The following SLC14A2 variants were observed in gnomAD, a reference collection of about 807,000 sequenced individuals.
SLC14A2 encodes urea transporter 2.
Under a neutral mutation model 104.6 loss-of-function variants are expected in SLC14A2, and 91 were observed. That is an observed-to-expected ratio of 0.87 (90% CI 0.73 to 1.04). The LOEUF is 1.04. Among genes scored for constraint, SLC14A2 ranks in the 50% least tolerant of loss-of-function variants. SLC14A2 has a pLI of 0.00. For missense variants in SLC14A2, 1,189 were observed against 1,156.0 expected, an observed-to-expected ratio of 1.03 and a Z score of -0.41; for synonymous variants, 476 against 466.4, an observed-to-expected ratio of 1.02 and a Z score of -0.27.
chr18:45,380,560 A>C (rs528512270), intron 1 of SLC14A2, among the ~76,000 whole-genome samples: 1 of 151,362 alleles, frequency 6.6e-6, no homozygotes, highest in Non-Finnish European at 1.5e-5. Flanking sequence ...ATCTGCAACT[A>C]GTAAAAAAAG....
intron 1 of SLC14A2, among the ~76,000 whole-genome samples, chr18:45,240,807 G>A (rs116660642): frequency 2.8e-3 from 423 of 151,804 alleles, no homozygotes; most frequent in African/African-American, 7.7e-3. Context: ...ACAGGTGCCC[G>A]CCACTATGCC....
Position 45,248,608 on chromosome 18 carries a change from C to T in SLC14A2, c.-125+35417C>T, listed in dbSNP as rs1321051498. 2.0e-5 allele frequency among the ~76,000 whole-genome samples: 3 copies of T among 152,168 alleles called. No individual in the cohort carries two copies. In the East Asian group the frequency reaches 5.8e-4, roughly 29 times the overall value. On this transcript the variant is annotated intron_variant, in intron 1 of 20. Transcript: ENST00000586448. ...TGGGGTTACATGTTGAGGTAGACTT[C>T]AGACTATTTTAATGGCATGCAGAGA... is the stretch of plus-strand genomic sequence containing the variant.
At chr18:45,378,209 G>A (rs538947026) in intron 1 of SLC14A2, among the ~76,000 whole-genome samples, 1 of 127,846 alleles carries the variant, frequency 7.8e-6, no homozygotes, top group South Asian at 2.6e-4. Flanking sequence ...GAATTCTCTG[G>A]AGTATTTAGC....
At chr18:45,622,067 A>C (rs2045179834) in intron 1 of SLC14A2, among the ~76,000 whole-genome samples, 1 of 152,202 alleles carries the variant, frequency 6.6e-6, no homozygotes, top group South Asian at 2.1e-4. Context: ...CCTGTCAAAG[A>C]GGTAGTTTTC....
At chr18:45,355,867 G>A (rs930350934) in intron 1 of SLC14A2, among the ~76,000 whole-genome samples, 1 of 152,152 alleles carries the variant, frequency 6.6e-6, no homozygotes, top group Admixed American at 6.5e-5. Context: ...CAGGAAGCAA[G>A]AGTTAAAGAG....
rs533179302 is a variant in SLC14A2 at position 45,593,646 on chromosome 18, C to T, written c.-34-30985C>T. ...CTGGGACTACAGGTGCCTGCCACCA[C>T]GCCCAGCTAATTTTTTGTATTTTTA... On this transcript the variant is annotated intron_variant, in intron 2 of 20. Coordinates refer to the SLC14A2 transcript ENST00000586448. Among the ~76,000 whole-genome samples the T allele has an allele frequency of 4.6e-5, 7 of 151,676 alleles. No homozygotes were observed. The South Asian group carries it at 8.4e-4, about 18-fold the overall frequency.
At chr18:45,345,343 G>A (rs1405742508) in intron 1 of SLC14A2, among the ~76,000 whole-genome samples, 4 of 152,152 alleles carry the variant, frequency 2.6e-5, no homozygotes, top group Non-Finnish European at 5.9e-5. Context: ...AACTCTGATA[G>A]GTGCCAGAGA....
At chr18:45,282,584 G>A (rs1392660387) in intron 1 of SLC14A2, among the ~76,000 whole-genome samples, 6 of 152,138 alleles carry the variant, frequency 3.9e-5, no homozygotes, top group Non-Finnish European at 4.4e-5. Flanking sequence ...TGTGCCAGAC[G>A]GTAGAGGGCA....
At chr18:45,541,124 G>A (rs1005368006) in intron 2 of SLC14A2, among the ~76,000 whole-genome samples, 1 of 151,690 alleles carries the variant, frequency 6.6e-6, no homozygotes, top group African/African-American at 2.4e-5. Flanking sequence ...CCATTCAGGA[G>A]TCAGGGATAG....
rs920541987 is a variant in SLC14A2 at position 45,530,996 on chromosome 18, A to G, written c.-35+47674A>G. Reference sequence around the variant, plus strand: ...TAGTTTGCTGAGAATGATGGTTTCTAGCTTCATCCATGTCCCTACAAAGGA... The same window carrying G: ...TAGTTTGCTGAGAATGATGGTTTCTGGCTTCATCCATGTCCCTACAAAGGA... On this transcript the variant is annotated intron_variant, in intron 2 of 20. Coordinates refer to the SLC14A2 transcript ENST00000586448. Among the ~76,000 whole-genome samples, 11 of 152,292 alleles carry G rather than the reference A, an allele frequency of 7.2e-5. No homozygotes were observed. In the East Asian group the frequency reaches 1.9e-3, roughly 27 times the overall value.
upstream of SLC14A2, among the ~76,000 whole-genome samples, chr18:45,210,486 G>A (rs1362806157): frequency 2.0e-5 from 3 of 152,184 alleles, no homozygotes; most frequent in Non-Finnish European, 4.4e-5. Context: ...GGCTGAGGCA[G>A]GAGGATTGCT....
At chr18:45,556,758 TA>T (rs1349366470) in intron 2 of SLC14A2, among the ~76,000 whole-genome samples, 1 of 152,244 alleles carries the variant, frequency 6.6e-6, no homozygotes, top group African/African-American at 2.4e-5. Flanking sequence ...TGTATATAGC[TA>T]AATCCACAGA....
intron 5 of SLC14A2, chr18:45,634,787 A>G (rs889708041): frequency 2.2e-6 from 1 of 456,774 alleles, no homozygotes; most frequent in African/African-American, 2.0e-5. Context: ...GTGATGGGAT[A>G]TGGTTTAAAT....
At chr18:45,541,675 A>G (rs556261778) in intron 2 of SLC14A2, among the ~76,000 whole-genome samples, 6 of 152,358 alleles carry the variant, frequency 3.9e-5, no homozygotes, top group African/African-American at 1.4e-4. Context: ...CCTGCTGGAC[A>G]TTAGACATTC....
intron 2 of SLC14A2, among the ~76,000 whole-genome samples, chr18:45,534,110 G>C (rs2043743006): frequency 6.6e-6 from 1 of 152,210 alleles, no homozygotes; most frequent in South Asian, 2.1e-4. Context: ...TCGTGATTTT[G>C]CTTGGGAAGG....
chr18:45,567,034 T>C (rs765299697), intron 2 of SLC14A2, among the ~76,000 whole-genome samples: 18 of 151,488 alleles, frequency 1.2e-4, no homozygotes, highest in Non-Finnish European at 4.4e-5. Context: ...CCTCATTCTA[T>C]AGCTGAGGAC....
At chr18:45,382,518 T>A (rs1450862003) in intron 1 of SLC14A2, among the ~76,000 whole-genome samples, 1 of 152,224 alleles carries the variant, frequency 6.6e-6, no homozygotes, top group Non-Finnish European at 1.5e-5. Context: ...TCTCTCTGAC[T>A]CTTCTGTAGT....
At chr18:45,199,767 G>C in the SLC14A2 span, among the ~76,000 whole-genome samples, 1 of 152,160 alleles carries the variant, frequency 6.6e-6, no homozygotes, top group Non-Finnish European at 1.5e-5. Flanking sequence ...CTAAGCTGAA[G>C]TCTTCCTTTC....
intron 1 of SLC14A2, among the ~76,000 whole-genome samples, chr18:45,479,983 C>A (rs2087461624): frequency 1.3e-5 from 2 of 152,088 alleles, no homozygotes; most frequent in South Asian, 4.1e-4. Context: ...AGTGGATGGC[C>A]TTCCCCAAGA....
Sources: gnomAD v4.1 joint callset for allele counts (sites outside exome capture counted in the v4.1 genomes callset) on GRCh38, gnomAD v4.1.1 for gene constraint, MANE v1.5 for transcripts, NCBI Gene and HGNC (gene_info 2026-07-23, HGNC 2026-07-21) for gene names.